Variants in SEC23A observed in about 807,000 individuals in gnomAD.
SEC23A encodes protein transport protein Sec23A.
Under a neutral mutation model 103.7 loss-of-function variants are expected in SEC23A, and 56 were observed. The ratio of observed to expected loss-of-function variants is 0.54; its 90% CI spans 0.44 to 0.67. The LOEUF is 0.67. Among genes scored for constraint, SEC23A ranks in the 30% least tolerant of loss-of-function variants. The pLI, the probability that SEC23A is intolerant of heterozygous loss-of-function variation, is 0.00. For missense variants in SEC23A, 784 were observed against 936.4 expected (o/e 0.84, Z 2.12); for synonymous variants, 281 against 293.0 (o/e 0.96, Z 0.42).
rs530178335 is a variant in SEC23A, at chr14:39,066,608, T to C, written c.1227+565A>G. ...GGCCAGACGTGGTGGCTCATGTCTG[T>C]AATCTCAGCACTTTGGAAAGCTGAG... On this transcript the variant is annotated intron_variant, in intron 10 of 19. Coordinates refer to ENST00000307712, the MANE Select transcript of SEC23A (RefSeq NM_006364.4). 1.0e-3 allele frequency among the ~76,000 whole-genome samples: 152 copies of C among 152,246 alleles called. 1 individual carries two copies. The highest frequency in any genetic ancestry group is 3.5e-3 in the African/African-American group (146 of 41,552).
At chr14:39,064,686 T>C (rs1199866010) in intron 11 of SEC23A, 1 of 540,230 alleles carries the variant, frequency 1.9e-6, no homozygotes, top group African/African-American at 1.9e-5. Flanking sequence ...TGCTATAGGC[T>C]GCCACCCCAA....
chr14:39,072,541 G>C (rs764453801), intron 9 of SEC23A, among the ~76,000 whole-genome samples: 1 of 152,048 alleles, frequency 6.6e-6, no homozygotes, highest in Non-Finnish European at 1.5e-5. Context: ...AGCTGGGCAC[G>C]GTGGCTCACA....
Position 39,032,049 on chromosome 14 carries a change from C to T in SEC23A, c.*1190G>A, listed in dbSNP as rs991740361. On this transcript the variant is annotated 3_prime_UTR_variant, in exon 20 of 20. Coordinates refer to ENST00000307712, the MANE Select transcript of SEC23A (RefSeq NM_006364.4). ...AATTTTTTCTTAAGTTTCTGCTTTA[C>T]CATCATATGATTGTGTTCATGCAAG... 13 of 152,598 alleles carry T rather than the reference C, an allele frequency of 8.5e-5. No homozygotes were observed. Among genetic ancestry groups the T allele is most frequent in the African/African-American group, 3.1e-4 (13 of 41,442 alleles). 9.5% of individuals were successfully genotyped at this position (152,598 alleles called of 1,614,324 possible).
chr14:39,095,865 T>C (rs1245423585), intron 2 of SEC23A, 33 bp downstream of exon 2: 2 of 1,439,232 alleles, frequency 1.4e-6, no homozygotes, highest in African/African-American at 1.4e-5. Context: ...AAAATCACAT[T>C]GCCACATTAG....
chr14:39,074,820 A>G (rs1202949651), intron 8 of SEC23A, among the ~76,000 whole-genome samples: 4 of 152,204 alleles, frequency 2.6e-5, no homozygotes, highest in Non-Finnish European at 4.4e-5. Flanking sequence ...TAGCACAAAA[A>G]CAACAGGCTG....
In SEC23A at chr14:39,094,397, CATATAT is replaced by C. The variant is rs1242407974; in HGVS notation, c.222-1159_222-1154del. On this transcript the variant is annotated intron_variant, in intron 2 of 19. Transcript: ENST00000307712. ...ATACACACACACACACACACACACA[CATATAT>C]ATATATATATATATATATATATATA... is the stretch of plus-strand genomic sequence containing the variant. Among the ~76,000 whole-genome samples, 5 of 7,908 alleles carry C rather than the reference CATATAT, an allele frequency of 6.3e-4. 1 individual carries two copies. Among genetic ancestry groups the C allele is most frequent in the African/African-American group, 1.4e-3 (4 of 2,812 alleles). 5.2% of individuals were successfully genotyped at this position (7,908 alleles called of 152,430 possible). A position where few individuals can be genotyped will look rare whatever the true frequency, so the allele number is the denominator to read the frequency against.
At chr14:39,085,714 A>ACT in intron 7 of SEC23A, 48 bp downstream of exon 7, 1 of 1,603,634 alleles carries the variant, frequency 6.2e-7, no homozygotes. Flanking sequence ...ACACACACAC[A>ACT]CACACACACA....
chr14:39,053,529 A>T lies in SEC23A; in HGVS notation c.1659+1614T>A, dbSNP rs576726757. Among the ~76,000 whole-genome samples, 402 of 146,064 alleles carry T rather than the reference A, an allele frequency of 2.8e-3. 4 individuals are homozygous for T. The highest frequency in any genetic ancestry group is 8.6e-3 in the African/African-American group (338 of 39,514). Reference sequence around the variant, plus strand: ...TAATCTTTCTTGTTTTTTTTTTTTAAAAAAAAGGTAATATTGTCATAATGC... The same window carrying T: ...TAATCTTTCTTGTTTTTTTTTTTTATAAAAAAGGTAATATTGTCATAATGC... On this transcript the variant is annotated intron_variant, in intron 14 of 19. Transcript: ENST00000307712.
chr14:39,045,216 G>C lies in SEC23A; in HGVS notation c.1846C>G (p.Leu616Val). 1 of 1,613,646 alleles carries C rather than the reference G, an allele frequency of 6.2e-7. No individual in the cohort carries two copies. The highest frequency in any genetic ancestry group is 8.5e-7 in the Non-Finnish European group (1 of 1,179,772). The change falls in exon 16 of 20, where the codon CTA becomes GTA. Residue 616 changes from leucine (L) to valine (V), a missense_variant. Physicochemically the swap from Leu to Val is conservative, Grantham distance 32. This residue lies in a region of SEC23A where 683 missense variants were observed against 774.2 expected (regional missense o/e 0.88). Transcript: ENST00000307712. ...TACAGGATAGGCTGAATCATAATTA[G>C]AGACTGGGTCAGATCTTGACGCATA... ...HFMRQDLTQS[L>V]IMIQPILYAY...
At chr14:39,079,352 G>A (rs1366054130) in intron 7 of SEC23A, among the ~76,000 whole-genome samples, 1 of 152,140 alleles carries the variant, frequency 6.6e-6, no homozygotes, top group South Asian at 2.1e-4. Context: ...ATCCTTCTCT[G>A]TGTATAATCG....
intron 17 of SEC23A, chr14:39,041,568 T>A (rs1885647298): frequency 6.6e-6 from 1 of 151,044 alleles, no homozygotes; most frequent in African/African-American, 2.4e-5. Flanking sequence ...AATAATTAAA[T>A]CTTTTAAAAC....
At chr14:39,044,857 G>T (rs989794973) in intron 16 of SEC23A, among the ~76,000 whole-genome samples, 11 of 152,074 alleles carry the variant, frequency 7.2e-5, no homozygotes, top group African/African-American at 2.4e-4. Context: ...TGTTAAAGAC[G>T]TAAAGAATAA....
At chr14:39,089,897 A>C (rs1181533369) in intron 5 of SEC23A, among the ~76,000 whole-genome samples, 1 of 152,244 alleles carries the variant, frequency 6.6e-6, no homozygotes, top group Non-Finnish European at 1.5e-5. Flanking sequence ...CGGAGGTTGC[A>C]GTGAGCCAAG....
At chr14:39,035,436 A>G (rs1052406462) in intron 19 of SEC23A, among the ~76,000 whole-genome samples, 3 of 152,196 alleles carry the variant, frequency 2.0e-5, no homozygotes, top group South Asian at 2.1e-4. Flanking sequence ...TAATAGTGAA[A>G]ACTAATAGCT....
intron 7 of SEC23A, among the ~76,000 whole-genome samples, chr14:39,082,531 A>G (rs771133457): frequency 2.6e-5 from 4 of 152,178 alleles, no homozygotes; most frequent in Non-Finnish European, 4.4e-5. Context: ...AGTGACAAAA[A>G]CAACCTTAAC....
chr14:39,045,050 T>G, intron 16 of SEC23A, 113 bp downstream of exon 16: 2 of 893,216 alleles, frequency 2.2e-6, no homozygotes. Context: ...TGTCCATTCT[T>G]TTAGTTAAAT....
intron 9 of SEC23A, among the ~76,000 whole-genome samples, chr14:39,071,070 C>G (rs1414282457): frequency 6.6e-6 from 1 of 151,948 alleles, no homozygotes; most frequent in East Asian, 1.9e-4. Flanking sequence ...CCCCGAAGAT[C>G]AAGAACAACA....
At chr14:39,079,325 C>CT (rs1156941278) in intron 7 of SEC23A, among the ~76,000 whole-genome samples, 2 of 152,076 alleles carry the variant, frequency 1.3e-5, no homozygotes, top group African/African-American at 4.8e-5. Flanking sequence ...TATCCTATGA[C>CT]TTTTACATAT....
chr14:39,055,342 C>CT, intron 13 of SEC23A, 46 bp from the exon 14 acceptor site: 1 of 1,584,306 alleles, frequency 6.3e-7, no homozygotes, highest in Non-Finnish European at 8.7e-7. Context: ...ATTATTATAC[C>CT]CACAATATCA....
Sources: allele counts gnomAD v4.1 joint callset (sites outside exome capture counted in the v4.1 genomes callset), GRCh38; gene constraint gnomAD v4.1.1; regional missense constraint gnomAD v4.1.1; transcripts MANE v1.5; gene names NCBI Gene and HGNC (gene_info 2026-07-23, HGNC 2026-07-21).